DCAF11: variants seen among roughly 807,000 people sequenced by gnomAD.
The protein encoded by DCAF11 is DDB1 and CUL4 associated factor 11, also known as DDB1- and CUL4-associated factor 11.
In DCAF11, 44 loss-of-function variants were observed where a neutral mutation model predicts 76.1. The observed-to-expected ratio is 0.58, with a 90% CI of 0.45 to 0.74. The LOEUF (loss-of-function observed/expected upper bound fraction) is 0.74, where lower values mean the gene tolerates loss of function less well. DCAF11 is among the 30% of genes least tolerant of loss of function. The pLI, the probability that DCAF11 is intolerant of heterozygous loss-of-function variation, is 0.00. For missense variants in DCAF11, 604 were observed against 709.4 expected (o/e 0.85, Z 1.69); for synonymous variants, 258 against 255.0 (o/e 1.01, Z -0.11).
chr14:24,121,761 G>GTT, intron 13 of DCAF11: 1 of 441,322 alleles, frequency 2.3e-6, no homozygotes, highest in Non-Finnish European at 4.0e-6. Flanking sequence ...AGTTGGTTCT[G>GTT]TTTTTCAGCC....
intron 8 of DCAF11, 29 bp downstream of exon 8, chr14:24,118,833 A>T (rs374232922): frequency 6.8e-6 from 11 of 1,610,944 alleles, no homozygotes; most frequent in Non-Finnish European, 8.5e-6. Context: ...GGTCAGACTC[A>T]TCAGAAACTT....
In DCAF11 at chr14:24,121,355, C is replaced by G; in HGVS notation, c.1247-10C>G. 6.2e-7 allele frequency: 1 copy of G among 1,614,132 alleles called. No individual in the cohort carries two copies. Among genetic ancestry groups the G allele is most frequent in the Non-Finnish European group, 8.5e-7 (1 of 1,180,022 alleles). On this transcript the variant is annotated splice_polypyrimidine_tract_variant and intron_variant, in intron 12 of 14. Transcript: ENST00000446197. The stretch of plus-strand genomic sequence containing the variant: ...TCCTAACCTAGGGTTTACTCTGCAT[C>G]CCTACCCAGCCTGGCGGAAGCTGAA...
chr14:24,121,666 G>A (rs1371597559), intron 13 of DCAF11, 149 bp downstream of exon 13: 2 of 806,062 alleles, frequency 2.5e-6, no homozygotes, highest in East Asian at 2.7e-5. Flanking sequence ...CAGAGAAATA[G>A]AAACCATTCT....
At chr14:24,121,636 A>C in intron 13 of DCAF11, 119 bp downstream of exon 13, 1 of 1,178,794 alleles carries the variant, frequency 8.5e-7, no homozygotes, top group Non-Finnish European at 1.2e-6. Context: ...GTAAAATCAA[A>C]CTTAGCTTGG....
rs982208069 is a variant in DCAF11 at position 24,124,625 on chromosome 14, G to A, written c.*1316G>A. 1.3e-5 allele frequency: 2 copies of A among 152,250 alleles called. No homozygotes were observed. The highest frequency in any genetic ancestry group is 3.8e-4 in the East Asian group (2 of 5,206). 9.4% of individuals were successfully genotyped at this position (152,250 alleles called of 1,614,324 possible). The stretch of plus-strand genomic sequence containing the variant: ...TAGGCAGTTTTAAAAGAATAAACAA[G>A]CTAGGTGTGGTGGCTCATGCCTGTA... On this transcript the variant is annotated 3_prime_UTR_variant, in exon 15 of 15. Coordinates refer to ENST00000446197, the MANE Select transcript of DCAF11 (RefSeq NM_025230.5).
chr14:24,120,783 C>G (rs897779710), intron 11 of DCAF11, 55 bp from the exon 12 acceptor site: 16 of 1,598,594 alleles, frequency 1.0e-5, no homozygotes, highest in Middle Eastern at 1.7e-4. Flanking sequence ...ACTAGACTGA[C>G]AGGCGCCGAC....
chr14:24,120,574 T>C (rs1459876214), intron 11 of DCAF11, among the ~76,000 whole-genome samples: 1 of 151,622 alleles, frequency 6.6e-6, no homozygotes, highest in Non-Finnish European at 1.5e-5. Context: ...AATTAGTTAA[T>C]TAAAAATTAA....
intron 8 of DCAF11, 121 bp downstream of exon 8, chr14:24,118,925 C>T (rs1232993461): frequency 1.6e-6 from 2 of 1,241,286 alleles, no homozygotes; most frequent in Non-Finnish European, 1.2e-6. Flanking sequence ...GGTCTGTGTG[C>T]ATTCCTGGGA....
At chr14:24,115,890 C>T (rs758646728) in intron 2 of DCAF11, 141 bp downstream of exon 2, 81 of 1,113,458 alleles carry the variant, frequency 7.3e-5, no homozygotes, top group African/African-American at 6.6e-4. Context: ...CCTTTCCCTG[C>T]TGGGCACCCA....
rs113861802 is a variant in DCAF11, at chr14:24,117,760, C to G, written c.476+28C>G. The G allele has an allele frequency of 2.9e-5, 46 of 1,609,876 alleles. No individual in the cohort carries two copies. In the African/African-American group the frequency reaches 5.7e-4, roughly 20 times the overall value. ...GAGTATGGGGCTTGGTGAAGAGACT[C>G]TAAGGGCCAGATAGGTCTTATCTCC... On this transcript the variant is annotated intron_variant, in intron 5 of 14. Coordinates refer to ENST00000446197, the MANE Select transcript of DCAF11 (RefSeq NM_025230.5). This position sits in a 1 kb window ranked among gnomAD's most constrained non-coding sequence, Gnocchi z 4.3.
rs770449338 is a variant in DCAF11, at chr14:24,116,993, G to A, written c.232G>A (p.Glu78Lys). ...TCAGGCCCTCTTGGACTCAGAGGAA[G>A]AGAATGACAGAGCTTGGGATGGTCG... ...FIQALLDSEEENDRAWDGRLG... is the reference protein window; with the variant it reads ...FIQALLDSEEKNDRAWDGRLG... Residue 78 changes from glutamate (E) to lysine (K), a missense_variant, in exon 3 of 15, where the codon GAG (glutamate) becomes AAG (lysine). By Grantham distance (56) the Glu-to-Lys change is moderately conservative. Transcript: ENST00000446197. The A allele has an allele frequency of 1.9e-6, 3 of 1,614,204 alleles. No homozygotes were observed. The highest frequency in any genetic ancestry group is 2.5e-6 in the Non-Finnish European group (3 of 1,180,032).
At chr14:24,122,445 G>A (rs146525571) in intron 13 of DCAF11, among the ~76,000 whole-genome samples, 4,035 of 148,504 alleles carry the variant, frequency 0.027, 80 homozygotes, top group Middle Eastern at 0.042. Context: ...AGCCAAGATC[G>A]CGCCACGGCA....
chr14:24,118,226 A>T, intron 6 of DCAF11, 71 bp downstream of exon 6: 1 of 1,569,074 alleles, frequency 6.4e-7, no homozygotes, highest in Non-Finnish European at 8.8e-7. Flanking sequence ...GAGGCTAGAA[A>T]GCCACAGACG....
chr14:24,121,070 C>T, intron 12 of DCAF11, 79 bp downstream of exon 12: 2 of 1,555,970 alleles, frequency 1.3e-6, no homozygotes, highest in South Asian at 2.4e-5. Flanking sequence ...GCCCTCTTTG[C>T]CAGGCATTAA....
intron 12 of DCAF11, 28 bp from the exon 13 acceptor site, chr14:24,121,337 C>G (rs778369515): frequency 3.7e-5 from 60 of 1,613,548 alleles, no homozygotes; most frequent in Non-Finnish European, 5.1e-5. Context: ...ATTTCCTAAC[C>G]TAGGGTTTAC....
In DCAF11 at chr14:24,120,967, C is replaced by T. The variant is rs771012127; in HGVS notation, c.1222C>T (p.Arg408Trp). Residue 408 changes from arginine (R) to tryptophan (W), a missense_variant, in exon 12 of 15, where the codon CGG (arginine) becomes TGG (tryptophan). Coordinates refer to ENST00000446197, the MANE Select transcript of DCAF11 (RefSeq NM_025230.5). ...TGCCACACAGCAAAACTGGGACTAT[C>T]GGTGGCAGCAAGTGCCCAAAAAAGG... is the stretch of plus-strand genomic sequence containing the variant. Reference protein sequence around the residue: ...QAATQQNWDYRWQQVPKKAWR... With the variant: ...QAATQQNWDYWWQQVPKKAWR... 3.1e-6 allele frequency: 5 copies of T among 1,614,004 alleles called. No homozygotes were observed. In the African/African-American group the frequency reaches 4.0e-5, roughly 13 times the overall value.
intron 12 of DCAF11, 24 bp downstream of exon 12, chr14:24,121,015 G>A (rs2037681633): frequency 1.9e-6 from 3 of 1,613,182 alleles, no homozygotes; most frequent in African/African-American, 1.3e-5. Flanking sequence ...TACAGGCACA[G>A]TGGATTTGTC....
chr14:24,122,915 G>A (rs979867449), intron 13 of DCAF11, 56 bp from the exon 14 acceptor site: 11 of 1,526,978 alleles, frequency 7.2e-6, no homozygotes, highest in Non-Finnish European at 9.9e-6. Context: ...GGGGAGGTGA[G>A]GGATAGTTTA....
intron 6 of DCAF11, 80 bp downstream of exon 6, chr14:24,118,235 C>G: frequency 1.9e-6 from 3 of 1,561,216 alleles, no homozygotes; most frequent in Non-Finnish European, 2.6e-6. Flanking sequence ...AAGCCACAGA[C>G]GGGGAGCTCA....
Sources: gnomAD v4.1 joint callset for allele counts (sites outside exome capture counted in the v4.1 genomes callset) on GRCh38, gnomAD v4.1.1 for gene constraint, Gnocchi (gnomAD v3.1) non-coding constraint, MANE v1.5 for transcripts, NCBI Gene and HGNC (gene_info 2026-07-23, HGNC 2026-07-21) for gene names.